Variants in STRAP observed in about 807,000 individuals in gnomAD.
STRAP encodes serine/threonine kinase receptor associated protein, also known as serine-threonine kinase receptor-associated protein.
In STRAP, 16 loss-of-function variants were observed where a neutral mutation model predicts 47.0. The observed-to-expected ratio is 0.34, with a 90% CI of 0.23 to 0.52. STRAP has a LOEUF of 0.52. STRAP is among the 20% of genes least tolerant of loss of function. The pLI is 0.96. For synonymous variants in STRAP, 130 were observed against 142.7 expected (o/e 0.91, Z 0.63); for missense variants, 293 against 420.0 (o/e 0.70, Z 2.64).
At chr12:15,902,472 A>G (rs978971787) in intron 9 of STRAP, among the ~76,000 whole-genome samples, 1 of 152,220 alleles carries the variant, frequency 6.6e-6, no homozygotes, top group Non-Finnish European at 1.5e-5. Flanking sequence ...TTTACCCAAT[A>G]GAGTTTTCCT....
At chr12:15,892,469 TA>T (rs1349393370) in intron 4 of STRAP, among the ~76,000 whole-genome samples, 1 of 152,180 alleles carries the variant, frequency 6.6e-6, no homozygotes, top group East Asian at 1.9e-4. Flanking sequence ...AATTTTGTTT[TA>T]TTATATATTT....
In STRAP at chr12:15,887,346, T is replaced by C. The variant is rs1019930871; in HGVS notation, c.249-2582T>C. ...AAGAGGTAACAGTAGTTTAAGGAGA[T>C]GACAAGTACTTCGTGGGATGTGAAG... On this transcript the variant is annotated intron_variant, in intron 2 of 9. Transcript: ENST00000419869. This position sits in a 1 kb window ranked among gnomAD's most constrained non-coding sequence, Gnocchi z 5.5. Among the ~76,000 whole-genome samples, 1 of 152,174 alleles carries C rather than the reference T, an allele frequency of 6.6e-6. No individual in the cohort carries two copies. The highest frequency in any genetic ancestry group is 6.5e-5 in the Admixed American group (1 of 15,282).
intron 9 of STRAP, among the ~76,000 whole-genome samples, 185 bp downstream of exon 9, chr12:15,901,197 T>C (rs1331046411): frequency 6.6e-6 from 1 of 152,210 alleles, no homozygotes; most frequent in Non-Finnish European, 1.5e-5. Flanking sequence ...ACCTACTGCA[T>C]AGTAGTAATA....
At position 15,895,362 on chromosome 12, in the gene STRAP, T is replaced by G; in HGVS notation, c.504T>G (p.Leu168=). 1.9e-6 allele frequency: 3 copies of G among 1,565,046 alleles called. No homozygotes were observed. The highest frequency in any genetic ancestry group is 2.6e-6 in the Non-Finnish European group (3 of 1,162,816). The change falls in exon 6 of 10, where the codon CTT becomes CTG. Residue 168 remains leucine (L), a synonymous_variant. Transcript: ENST00000419869. Reference sequence around the variant, plus strand: ...TATTTTTATCTTTATTTTGCAGACTTTGGGATCATGCTACTATGACAGAAG... The same window carrying G: ...TATTTTTATCTTTATTTTGCAGACTGTGGGATCATGCTACTATGACAGAAG... ...ILSADDKTVR[L]WDHATMTEVK...
intron 7 of STRAP, among the ~76,000 whole-genome samples, chr12:15,899,565 G>T (rs1429906370): frequency 2.0e-5 from 3 of 152,150 alleles, no homozygotes; most frequent in African/African-American, 7.2e-5. Flanking sequence ...GGAAATTGGA[G>T]GTTGAACTGG....
In STRAP at chr12:15,890,451, G is replaced by C. The variant is rs185540697; in HGVS notation, c.331-146G>C. The stretch of plus-strand genomic sequence containing the variant: ...GTTATGAGAGGTCAGCTGTTCCACA[G>C]TATCTTCTCAGAAGTAATTGGTTAT... On this transcript the variant is annotated intron_variant, in intron 3 of 9. Coordinates refer to ENST00000419869, the MANE Select transcript of STRAP (RefSeq NM_007178.4). This position sits in a 1 kb window ranked among gnomAD's most constrained non-coding sequence, Gnocchi z 4.5. 4.5e-4 allele frequency: 316 copies of C among 702,088 alleles called. 2 individuals are homozygous for C. In the African/African-American group the frequency reaches 4.9e-3, roughly 11 times the overall value. The allele number at this position is 702,088 out of a possible 1,614,324, so 43.5% of individuals were successfully genotyped here.
chr12:15,900,834 A>AT, intron 8 of STRAP, 113 bp from the exon 9 acceptor site: 1 of 718,890 alleles, frequency 1.4e-6, no homozygotes, highest in Non-Finnish European at 2.0e-6. Flanking sequence ...TTTTTATTAT[A>AT]TTTTGTAGCC....
intron 6 of STRAP, among the ~76,000 whole-genome samples, chr12:15,895,862 GAAAAAAA>G (rs778939065): frequency 4.9e-5 from 3 of 61,696 alleles, no homozygotes; most frequent in African/African-American, 1.2e-4. Flanking sequence ...AACCTCCTCT[GAAAAAAA>G]AAAAAAAAAA....
chr12:15,897,610 C>CT (rs2136112652), intron 6 of STRAP, among the ~76,000 whole-genome samples: 1 of 152,166 alleles, frequency 6.6e-6, no homozygotes, highest in South Asian at 2.1e-4. Context: ...TTAGCCAACA[C>CT]ACTCATTTCC....
rs1439215136 is a variant in STRAP at position 15,894,292 on chromosome 12, C to CT, written c.500+150dup. ...TGGCCGACATGGCGAAATACTGTCT[C>CT]TATGAAAATTACAAAACTTAGCCAA... On this transcript the variant is annotated intron_variant, in intron 5 of 9. Coordinates refer to ENST00000419869, the MANE Select transcript of STRAP (RefSeq NM_007178.4). This position sits in a 1 kb window ranked among gnomAD's most constrained non-coding sequence, Gnocchi z 4.9. 3 of 593,252 alleles carry CT rather than the reference C, an allele frequency of 5.1e-6. No individual in the cohort carries two copies. Among genetic ancestry groups the CT allele is most frequent in the Non-Finnish European group, 8.9e-6 (3 of 336,262 alleles). The allele number at this position is 593,252 out of a possible 1,614,324, so 36.7% of individuals were successfully genotyped here.
Position 15,890,494 on chromosome 12 carries a change from T to A in STRAP, c.331-103T>A. On this transcript the variant is annotated intron_variant, in intron 3 of 9. Coordinates refer to ENST00000419869, the MANE Select transcript of STRAP (RefSeq NM_007178.4). The surrounding 1 kb of genome is among the most constrained non-coding windows in gnomAD (Gnocchi z 4.5). ...TTGGTTATGTCTTGGCATCTCTTTG[T>A]GATGTCTGTGAGCTAGATTTTGATT... 1.1e-6 allele frequency: 1 copy of A among 948,114 alleles called. No homozygotes were observed. The highest frequency in any genetic ancestry group is 1.7e-6 in the Non-Finnish European group (1 of 602,114). The allele number at this position is 948,114 out of a possible 1,614,324, so 58.7% of individuals were successfully genotyped here.
chr12:15,903,002 T>C lies in STRAP; in HGVS notation c.*24T>C, dbSNP rs373699046. 1.3e-6 allele frequency: 2 copies of C among 1,506,950 alleles called. No homozygotes were observed. The highest frequency in any genetic ancestry group is 2.9e-5 in the African/African-American group (2 of 70,150). 93.3% of individuals were successfully genotyped at this position (1,506,950 alleles called of 1,614,324 possible). A position where few individuals can be genotyped will look rare whatever the true frequency, so the allele number is the denominator to read the frequency against. On this transcript the variant is annotated 3_prime_UTR_variant, in exon 10 of 10. Transcript: ENST00000419869. The stretch of plus-strand genomic sequence containing the variant: ...GAGCGTCAATCATATGTGCAGTTAG[T>C]ATACAACTGACTAAAACAAGCAAGC...
intron 9 of STRAP, among the ~76,000 whole-genome samples, chr12:15,901,964 A>G (rs11056701): frequency 6.6e-6 from 1 of 151,370 alleles, no homozygotes; most frequent in Non-Finnish European, 1.5e-5. Context: ...TGTAGTCTAG[A>G]TGAGTGATCA....
intron 2 of STRAP, among the ~76,000 whole-genome samples, chr12:15,885,482 C>G (rs6488799): frequency 0.072 from 9,365 of 129,448 alleles, 992 homozygotes; most frequent in African/African-American, 0.24. Flanking sequence ...AGCCACCGTG[C>G]CTGGCCTTTT....
Position 15,903,180 on chromosome 12 carries a change from GAGTTAT to G in STRAP, c.*203_*208del. 2.2e-6 allele frequency: 1 copy of G among 454,528 alleles called. No individual in the cohort carries two copies. The highest frequency in any genetic ancestry group is 3.8e-6 in the Non-Finnish European group (1 of 266,566). The allele number at this position is 454,528 out of a possible 1,614,324, so 28.2% of individuals were successfully genotyped here. A position where few individuals can be genotyped will look rare whatever the true frequency, so the allele number is the denominator to read the frequency against. ...CTCAAGTGTCAGATGAAGGGAGGTG[GAGTTAT>G]CCTCTTATAGTACAGTGGCCTGTTA... On this transcript the variant is annotated 3_prime_UTR_variant, in exon 10 of 10. Transcript: ENST00000419869.
chr12:15,882,956 A>T, intron 1 of STRAP, 137 bp downstream of exon 1: 5 of 1,349,362 alleles, frequency 3.7e-6, no homozygotes, highest in Non-Finnish European at 4.1e-6. Context: ...GAGAGCCAAC[A>T]CTGGTCCGGT....
chr12:15,890,123 T>G lies in STRAP; in HGVS notation c.330+114T>G, dbSNP rs1948002389. 2.1e-6 allele frequency: 2 copies of G among 954,612 alleles called. No homozygotes were observed. The highest frequency in any genetic ancestry group is 2.2e-5 in the Admixed American group (1 of 45,786). The allele number at this position is 954,612 out of a possible 1,614,324, so 59.1% of individuals were successfully genotyped here. A position where few individuals can be genotyped will look rare whatever the true frequency, so the allele number is the denominator to read the frequency against. On this transcript the variant is annotated intron_variant, in intron 3 of 9. Coordinates refer to ENST00000419869, the MANE Select transcript of STRAP (RefSeq NM_007178.4). This position sits in a 1 kb window ranked among gnomAD's most constrained non-coding sequence, Gnocchi z 4.5. ...ATTGATATGTTTTGTGTGGAATATT[T>G]GTTATTTCTTGGTTCATATTTGATT...
chr12:15,900,313 C>T (rs1234122827), intron 8 of STRAP, among the ~76,000 whole-genome samples: 2 of 151,712 alleles, frequency 1.3e-5, no homozygotes, highest in African/African-American at 4.8e-5. Flanking sequence ...GGGCGGATCA[C>T]AGGGTCAGGA....
At position 15,882,411 on chromosome 12, in the gene STRAP, G is replaced by C. The variant is rs569589714; in HGVS notation, c.-297G>C. On this transcript the variant is annotated 5_prime_UTR_variant, in exon 1 of 10. Coordinates refer to ENST00000419869, the MANE Select transcript of STRAP (RefSeq NM_007178.4). ...ACGTCGTCACTTCCTGCCGATGCCG[G>C]TGTGGACGCTGTGAATCGTGGCTGG... The C allele has an allele frequency of 2.3e-5, 11 of 477,966 alleles. No individual in the cohort carries two copies. The South Asian group carries it at 2.8e-4, about 12-fold the overall frequency. The allele number at this position is 477,966 out of a possible 1,614,324, so 29.6% of individuals were successfully genotyped here.
Sources: gnomAD v4.1 joint callset for allele counts (sites outside exome capture counted in the v4.1 genomes callset) on GRCh38, gnomAD v4.1.1 for gene constraint, Gnocchi (gnomAD v3.1) non-coding constraint, MANE v1.5 for transcripts, NCBI Gene and HGNC (gene_info 2026-07-23, HGNC 2026-07-21) for gene names.